Variants in GPR158 observed in about 807,000 individuals in gnomAD.
GPR158 encodes metabotropic glycine receptor.
Under a neutral mutation model 78.2 loss-of-function variants are expected in GPR158, and 30 were observed. The ratio of observed to expected loss-of-function variants is 0.38; its 90% confidence interval spans 0.29 to 0.52. The LOEUF (loss-of-function observed/expected upper bound fraction) is 0.52. Among genes scored for constraint, GPR158 ranks in the 20% least tolerant of loss-of-function variants. The pLI, the probability that GPR158 is intolerant of heterozygous loss-of-function variation, is 0.83. For missense variants in GPR158, 1,463 were observed against 1,523.5 expected, an observed-to-expected ratio of 0.96 and a Z score of 0.66; for synonymous variants, 581 against 591.1, an observed-to-expected ratio of 0.98 and a Z score of 0.25.
intron 5 of GPR158, among the ~76,000 whole-genome samples, chr10:25,550,463 TGTG>T (rs1389447352): frequency 6.6e-6 from 1 of 151,914 alleles, no homozygotes; most frequent in East Asian, 1.9e-4. Flanking sequence ...TTGCCAGAAG[TGTG>T]GAGGTGGGAA....
At chr10:25,209,343 T>C (rs960400917) in intron 1 of GPR158, among the ~76,000 whole-genome samples, 1 of 152,242 alleles carries the variant, frequency 6.6e-6, no homozygotes, top group African/African-American at 2.4e-5. Flanking sequence ...TTGAATACCC[T>C]CATCATGGCA....
At chr10:25,519,797 GC>G (rs1428330769) in intron 5 of GPR158, among the ~76,000 whole-genome samples, 2 of 77,056 alleles carry the variant, frequency 2.6e-5, no homozygotes, top group African/African-American at 1.5e-4. Context: ...CTCTCTGGCT[GC>G]CCTTAACATT....
At chr10:25,188,393 G>C (rs1198015827) in intron 1 of GPR158, among the ~76,000 whole-genome samples, 1 of 152,130 alleles carries the variant, frequency 6.6e-6, no homozygotes, top group Non-Finnish European at 1.5e-5. Context: ...ATACTACAAG[G>C]CTACAGTATC....
intron 5 of GPR158, among the ~76,000 whole-genome samples, chr10:25,522,643 T>C (rs1836293230): frequency 6.6e-6 from 1 of 152,216 alleles, no homozygotes; most frequent in African/African-American, 2.4e-5. Flanking sequence ...AATTGACTAC[T>C]TACATACAAG....
intron 5 of GPR158, among the ~76,000 whole-genome samples, chr10:25,516,221 GT>G (rs1300527024): frequency 1.3e-5 from 2 of 148,630 alleles, no homozygotes; most frequent in African/African-American, 2.5e-5. Flanking sequence ...GGGGTTGTTT[GT>G]TTTTTTCTTG....
intron 5 of GPR158, among the ~76,000 whole-genome samples, chr10:25,470,977 A>G (rs1017494699): frequency 1.3e-5 from 2 of 151,734 alleles, no homozygotes; most frequent in African/African-American, 4.9e-5. Context: ...TTATTATTAT[A>G]CTTTAAGTTC....
intron 6 of GPR158, among the ~76,000 whole-genome samples, chr10:25,562,292 T>C (rs1205641975): frequency 1.3e-5 from 2 of 152,134 alleles, no homozygotes; most frequent in African/African-American, 2.4e-5. Flanking sequence ...CGACTCTATA[T>C]TTCAATTATT....
At chr10:25,416,926 G>C (rs1834670673) in intron 4 of GPR158, among the ~76,000 whole-genome samples, 1 of 152,222 alleles carries the variant, frequency 6.6e-6, no homozygotes, top group African/African-American at 2.4e-5. Context: ...TCAAGGGTGA[G>C]GTTAAGATAT....
At chr10:25,219,929 GT>G (rs1183642754) in intron 1 of GPR158, among the ~76,000 whole-genome samples, 1 of 152,034 alleles carries the variant, frequency 6.6e-6, no homozygotes, top group Non-Finnish European at 1.5e-5. Flanking sequence ...TTTAAATTTG[GT>G]TTTTGTCGGT....
intron 6 of GPR158, among the ~76,000 whole-genome samples, chr10:25,569,171 T>C (rs920467363): frequency 6.6e-6 from 1 of 152,218 alleles, no homozygotes. Context: ...TTGGTTTTGC[T>C]CTCTTGAAAT....
chr10:25,487,523 C>T (rs1271135704), intron 5 of GPR158, among the ~76,000 whole-genome samples: 1 of 152,154 alleles, frequency 6.6e-6, no homozygotes, highest in Non-Finnish European at 1.5e-5. Context: ...TGTTCACAGT[C>T]ACAGTATAGA....
intron 7 of GPR158, among the ~76,000 whole-genome samples, chr10:25,581,825 C>T (rs1837203440): frequency 6.6e-6 from 1 of 152,040 alleles, no homozygotes; most frequent in Non-Finnish European, 1.5e-5. Flanking sequence ...AATACCCATG[C>T]AAATGACAGT....
chr10:25,373,065 GC>G (rs752299648), intron 2 of GPR158, among the ~76,000 whole-genome samples: 1 of 151,750 alleles, frequency 6.6e-6, no homozygotes, highest in Non-Finnish European at 1.5e-5. Context: ...CCCATCAACG[GC>G]AGATTGGATA....
At chr10:25,507,054 T>C (rs967746555) in intron 5 of GPR158, among the ~76,000 whole-genome samples, 2 of 152,200 alleles carry the variant, frequency 1.3e-5, no homozygotes, top group African/African-American at 4.8e-5. Flanking sequence ...CATAAATCTA[T>C]CATGCATCAG....
chr10:25,481,878 A>T (rs1283516199), intron 5 of GPR158, among the ~76,000 whole-genome samples: 1 of 152,134 alleles, frequency 6.6e-6, no homozygotes, highest in East Asian at 1.9e-4. Flanking sequence ...TGATTTTTGA[A>T]TGAGGCAGGT....
chr10:25,419,584 G>T (rs188515547), intron 4 of GPR158, among the ~76,000 whole-genome samples: 106 of 152,236 alleles, frequency 7.0e-4, no homozygotes, highest in African/African-American at 2.5e-3. Context: ...TTTTCACAGA[G>T]GCCCCACCAT....
intron 1 of GPR158, among the ~76,000 whole-genome samples, chr10:25,200,247 T>G (rs1412508055): frequency 6.6e-6 from 1 of 152,156 alleles, no homozygotes; most frequent in Non-Finnish European, 1.5e-5. Context: ...TTTTGATTTG[T>G]ATTTCTCTAA....
intron 3 of GPR158, among the ~76,000 whole-genome samples, chr10:25,396,541 G>T (rs1398126741): frequency 2.0e-5 from 3 of 152,086 alleles, no homozygotes; most frequent in Admixed American, 2.0e-4. Context: ...GCTCACGCTT[G>T]TAATCCTAGC....
intron 1 of GPR158, 95 bp from the exon 2 acceptor site, chr10:25,220,957 G>A: frequency 1.3e-6 from 1 of 763,422 alleles, no homozygotes. Flanking sequence ...TTTTTGGCAT[G>A]TTCTTTATGA....
Sources: gnomAD v4.1 joint callset for allele counts (sites outside exome capture counted in the v4.1 genomes callset) on GRCh38, gnomAD v4.1.1 for gene constraint, MANE v1.5 for transcripts, NCBI Gene and HGNC (gene_info 2026-07-23, HGNC 2026-07-21) for gene names.